The following MRTFA variants were observed in gnomAD, a reference collection of about 807,000 sequenced individuals.
MRTFA encodes myocardin-related transcription factor A.
In MRTFA, 20 loss-of-function variants were observed where a neutral mutation model predicts 83.5. The ratio of observed to expected loss-of-function variants is 0.24; its 90% CI spans 0.17 to 0.35. The LOEUF is 0.35. Ranked by LOEUF, MRTFA falls within the 10% of genes least tolerant of loss-of-function variation. The pLI is 1.00. For missense variants in MRTFA, 1,200 were observed against 1,224.7 expected (o/e 0.98, Z 0.30); for synonymous variants, 659 against 541.2 (o/e 1.22, Z -3.02).
intron 4 of MRTFA, among the ~76,000 whole-genome samples, chr22:40,447,306 C>T (rs2053398395): frequency 6.6e-6 from 1 of 151,146 alleles, no homozygotes; most frequent in East Asian, 1.9e-4. Flanking sequence ...TGAGCTAAGA[C>T]TGAGCCACTG....
At chr22:40,522,567 C>T (rs1332788495) in intron 3 of MRTFA, 1 of 152,260 alleles carries the variant, frequency 6.6e-6, no homozygotes, top group Non-Finnish European at 1.5e-5. Flanking sequence ...ACTCTGTCAC[C>T]CAGGCTGGAG....
At chr22:40,475,000 G>A (rs965158695) in intron 3 of MRTFA, among the ~76,000 whole-genome samples, 14 of 151,878 alleles carry the variant, frequency 9.2e-5, no homozygotes, top group African/African-American at 3.4e-4. Flanking sequence ...CACCACGCCT[G>A]ACTAATTTTT....
intron 4 of MRTFA, among the ~76,000 whole-genome samples, chr22:40,454,583 C>A (rs1292731073): frequency 1.3e-5 from 2 of 152,142 alleles, no homozygotes; most frequent in Non-Finnish European, 2.9e-5. Context: ...AACAATACAT[C>A]ATCTCATTTG....
chr22:40,631,929 C>T (rs775613670), intron 1 of MRTFA, among the ~76,000 whole-genome samples: 4 of 152,208 alleles, frequency 2.6e-5, no homozygotes, highest in Non-Finnish European at 4.4e-5. Context: ...TACCCACTGT[C>T]GTGGCCAGCC....
intron 3 of MRTFA, chr22:40,519,460 C>G (rs1483730032): frequency 7.5e-7 from 1 of 1,338,016 alleles, no homozygotes. Context: ...TTAGCGTTAC[C>G]TACCAGTGCT....
At chr22:40,423,455 T>A (rs1016927789) in intron 9 of MRTFA, 81 bp downstream of exon 9, 6 of 1,288,202 alleles carry the variant, frequency 4.7e-6, no homozygotes, top group African/African-American at 1.5e-5. Flanking sequence ...TCTACAGCTG[T>A]CCCCACAGCT....
At position 40,411,271 on chromosome 22, in the gene MRTFA, G is replaced by C. The variant is rs1170646529; in HGVS notation, c.*119C>G. 3 of 1,131,058 alleles carry C rather than the reference G, an allele frequency of 2.7e-6. No individual in the cohort carries two copies. Among genetic ancestry groups the C allele is most frequent in the Non-Finnish European group, 2.5e-6 (2 of 809,962 alleles). 70.1% of individuals were successfully genotyped at this position (1,131,058 alleles called of 1,614,324 possible). On this transcript the variant is annotated 3_prime_UTR_variant, in exon 15 of 15. Transcript: ENST00000355630. ...TCTAGCCTCCCAGGGAAGGGAAAAA[G>C]CAGGGGCTGTGATTGTCAAGACTCA...
At chr22:40,512,595 G>A (rs915229979) in intron 3 of MRTFA, among the ~76,000 whole-genome samples, 1 of 152,240 alleles carries the variant, frequency 6.6e-6, no homozygotes, top group African/African-American at 2.4e-5. Flanking sequence ...TTCGAAAGAT[G>A]ATTATTTCTC....
chr22:40,479,185 C>T (rs1398984015), intron 3 of MRTFA, among the ~76,000 whole-genome samples: 1 of 152,156 alleles, frequency 6.6e-6, no homozygotes, highest in African/African-American at 2.4e-5. Flanking sequence ...TAATCATGTT[C>T]AAAATGAAGC....
At chr22:40,579,378 C>T (rs920684510) in intron 2 of MRTFA, among the ~76,000 whole-genome samples, 1 of 152,120 alleles carries the variant, frequency 6.6e-6, no homozygotes, top group Non-Finnish European at 1.5e-5. Context: ...TCTTATTATA[C>T]ACAGTAAACA....
At chr22:40,559,028 T>C (rs1388939563) in intron 2 of MRTFA, among the ~76,000 whole-genome samples, 2 of 152,092 alleles carry the variant, frequency 1.3e-5, no homozygotes, top group Non-Finnish European at 2.9e-5. Context: ...GTGATCCACC[T>C]GCCCCAGCCT....
chr22:40,441,948 A>G (rs2053285701), intron 4 of MRTFA, among the ~76,000 whole-genome samples: 1 of 152,112 alleles, frequency 6.6e-6, no homozygotes, highest in East Asian at 1.9e-4. Flanking sequence ...CAGGGGCCCC[A>G]GGGCCAGAAT....
At chr22:40,586,772 G>A (rs1602464702) in intron 2 of MRTFA, 2 of 329,828 alleles carry the variant, frequency 6.1e-6, no homozygotes, top group Non-Finnish European at 1.2e-5. Flanking sequence ...GGTAGCTGCT[G>A]CCCTTTTTCC....
At chr22:40,427,305 G>A (rs994922718) in intron 7 of MRTFA, among the ~76,000 whole-genome samples, 2 of 152,200 alleles carry the variant, frequency 1.3e-5, no homozygotes, top group Non-Finnish European at 2.9e-5. Context: ...TCAACATGGG[G>A]AAAGGGCTCC....
chr22:40,459,271 G>A (rs1038922442), intron 4 of MRTFA, among the ~76,000 whole-genome samples: 2 of 147,220 alleles, frequency 1.4e-5, no homozygotes, highest in Admixed American at 6.8e-5. Flanking sequence ...AAAGAGCCTC[G>A]TTTTTGGGAA....
intron 2 of MRTFA, among the ~76,000 whole-genome samples, chr22:40,572,244 T>A (rs1234545683): frequency 6.6e-6 from 1 of 152,170 alleles, no homozygotes; most frequent in East Asian, 1.9e-4. Context: ...ACAGGTTCTC[T>A]TTGAGGTGAT....
chr22:40,519,703 G>GTGTGA, intron 3 of MRTFA: 2 of 917,796 alleles, frequency 2.2e-6, no homozygotes, highest in South Asian at 1.7e-5. Flanking sequence ...CCACTCATGG[G>GTGTGA]TTCTGAAAAG....
At chr22:40,636,381 C>G (rs1047148266) in intron 1 of MRTFA, 97 bp downstream of exon 1, 4 of 152,324 alleles carry the variant, frequency 2.6e-5, no homozygotes, top group Non-Finnish European at 4.4e-5. Context: ...CCCGACCCCC[C>G]GAGGACGCGC....
chr22:40,606,371 T>TA (rs2056318966), intron 1 of MRTFA, among the ~76,000 whole-genome samples: 1 of 152,042 alleles, frequency 6.6e-6, no homozygotes. Flanking sequence ...ATGGAAGGAG[T>TA]AACAGGAAAC....
Sources: gnomAD v4.1 joint callset for allele counts (sites outside exome capture counted in the v4.1 genomes callset) on GRCh38, gnomAD v4.1.1 for gene constraint, MANE v1.5 for transcripts, NCBI Gene and HGNC (gene_info 2026-07-23, HGNC 2026-07-21) for gene names.